The following ATP8A2 variants were observed in gnomAD, a reference collection of about 807,000 sequenced individuals.
ATP8A2 encodes phospholipid-transporting ATPase IB.
Under a neutral mutation model 165.6 loss-of-function variants are expected in ATP8A2, and 100 were observed. That is an observed-to-expected ratio of 0.60 (90% CI 0.51 to 0.71). ATP8A2 has a LOEUF of 0.71. ATP8A2 is among the 30% of genes least tolerant of loss of function. The probability of loss-of-function intolerance (pLI) is 0.00; values close to 1 mark genes in which losing one functional copy is unlikely to be tolerated. For missense variants in ATP8A2, 1,227 were observed against 1,479.5 expected, an observed-to-expected ratio of 0.83 and a Z score of 2.80; for synonymous variants, 543 against 548.8, an observed-to-expected ratio of 0.99 and a Z score of 0.15.
chr13:25,993,273 A>G (rs1956431484), intron 35 of ATP8A2, among the ~76,000 whole-genome samples: 1 of 152,194 alleles, frequency 6.6e-6, no homozygotes, highest in Admixed American at 6.5e-5. Context: ...CACTGCTATG[A>G]CAAACCCACA....
At chr13:25,375,612 C>G (rs537860699) in intron 1 of ATP8A2, among the ~76,000 whole-genome samples, 1 of 151,550 alleles carries the variant, frequency 6.6e-6, no homozygotes, top group South Asian at 2.1e-4. Flanking sequence ...TTGAGCCTGT[C>G]GTCAGGCTGG....
chr13:25,550,580 A>G (rs1159564752), intron 10 of ATP8A2, among the ~76,000 whole-genome samples: 1 of 152,150 alleles, frequency 6.6e-6, no homozygotes, highest in African/African-American at 2.4e-5. Context: ...CACTGGCCTC[A>G]GCTCCACCTG....
intron 27 of ATP8A2, among the ~76,000 whole-genome samples, chr13:25,779,493 G>A (rs1225359489): frequency 6.6e-6 from 1 of 152,088 alleles, no homozygotes; most frequent in Non-Finnish European, 1.5e-5. Flanking sequence ...GATAGAGCAG[G>A]GTAAAGATAT....
chr13:25,967,516 G>A (rs986668325), intron 34 of ATP8A2, among the ~76,000 whole-genome samples: 14 of 152,134 alleles, frequency 9.2e-5, no homozygotes, highest in Non-Finnish European at 1.9e-4. Context: ...CCATGACACC[G>A]TTTTCATTTC....
chr13:25,719,330 G>A (rs1466303044), intron 25 of ATP8A2, among the ~76,000 whole-genome samples: 2 of 152,132 alleles, frequency 1.3e-5, no homozygotes, highest in African/African-American at 4.8e-5. Flanking sequence ...TTTTTCTAAG[G>A]ATGCTACTGT....
At chr13:25,918,149 A>G (rs1954324322) in intron 33 of ATP8A2, among the ~76,000 whole-genome samples, 1 of 152,366 alleles carries the variant, frequency 6.6e-6, no homozygotes, top group East Asian at 1.9e-4. Flanking sequence ...CTGCCAGATA[A>G]GGAGCATTTC....
intron 33 of ATP8A2, among the ~76,000 whole-genome samples, chr13:25,928,873 G>A (rs967855221): frequency 6.6e-6 from 1 of 152,154 alleles, no homozygotes; most frequent in Admixed American, 6.6e-5. Context: ...CCCCCAAATC[G>A]GAAACGTTCT....
chr13:25,391,766 A>G (rs1048950445), intron 1 of ATP8A2, among the ~76,000 whole-genome samples: 2 of 152,246 alleles, frequency 1.3e-5, no homozygotes, highest in Non-Finnish European at 2.9e-5. Flanking sequence ...CCAGGAGGCC[A>G]TACAGAGGCC....
intron 30 of ATP8A2, among the ~76,000 whole-genome samples, chr13:25,851,900 T>C (rs117231161): frequency 1.3e-5 from 2 of 152,286 alleles, no homozygotes; most frequent in East Asian, 3.9e-4. Context: ...TCACCCAGGC[T>C]GGAGTGCAGT....
intron 24 of ATP8A2, among the ~76,000 whole-genome samples, chr13:25,656,356 A>G (rs757185009): frequency 1.9e-4 from 28 of 151,314 alleles, no homozygotes; most frequent in Non-Finnish European, 3.8e-4. Flanking sequence ...GCTCACTGCA[A>G]CCTCCGCCTC....
intron 33 of ATP8A2, among the ~76,000 whole-genome samples, chr13:25,949,563 T>G (rs982109823): frequency 6.6e-6 from 1 of 152,128 alleles, no homozygotes; most frequent in South Asian, 2.1e-4. Flanking sequence ...AAGTACACAA[T>G]ATAAACAATA....
At chr13:25,637,243 G>A (rs2041394236) in intron 24 of ATP8A2, among the ~76,000 whole-genome samples, 1 of 152,084 alleles carries the variant, frequency 6.6e-6, no homozygotes, top group Non-Finnish European at 1.5e-5. Flanking sequence ...TCTCACTGGG[G>A]CTAGTTGGAC....
At chr13:25,969,529 T>C (rs1216883662) in intron 35 of ATP8A2, among the ~76,000 whole-genome samples, 1 of 152,160 alleles carries the variant, frequency 6.6e-6, no homozygotes, top group Admixed American at 6.6e-5. Flanking sequence ...CTTATAGAGG[T>C]CCCCACTTTG....
intron 24 of ATP8A2, among the ~76,000 whole-genome samples, chr13:25,681,157 G>GAA (rs2042479241): frequency 6.6e-6 from 1 of 152,150 alleles, no homozygotes; most frequent in Non-Finnish European, 1.5e-5. Flanking sequence ...AGAAAGCAAA[G>GAA]AAAAATCTGG....
At chr13:25,705,038 T>A (rs1375180979) in intron 25 of ATP8A2, 3 of 265,814 alleles carry the variant, frequency 1.1e-5, no homozygotes, top group African/African-American at 2.3e-5. Flanking sequence ...TAAAGTCTTG[T>A]AGGATTTGTC....
At chr13:25,686,750 G>A (rs1055487205) in intron 24 of ATP8A2, among the ~76,000 whole-genome samples, 1 of 152,150 alleles carries the variant, frequency 6.6e-6, no homozygotes, top group Non-Finnish European at 1.5e-5. Context: ...GTACAAACTG[G>A]TCTACTTCCA....
intron 35 of ATP8A2, among the ~76,000 whole-genome samples, chr13:25,968,954 T>C (rs1566312908): frequency 6.6e-6 from 1 of 152,168 alleles, no homozygotes; most frequent in Non-Finnish European, 1.5e-5. Flanking sequence ...GGCAGTATTA[T>C]CTTAAGGTGG....
At chr13:25,670,469 C>T (rs1417775393) in intron 24 of ATP8A2, among the ~76,000 whole-genome samples, 1 of 152,102 alleles carries the variant, frequency 6.6e-6, no homozygotes, top group African/African-American at 2.4e-5. Context: ...AATTTCCTGG[C>T]ACAATGCCCT....
intron 33 of ATP8A2, among the ~76,000 whole-genome samples, chr13:25,878,481 A>AGCAGCCCCAAGGGCT (rs1219869611): frequency 6.5e-4 from 87 of 133,406 alleles, no homozygotes; most frequent in African/African-American, 1.2e-3. Context: ...CCATAGGCAG[A>AGCAGCCCCAAGGGCT]GCTGGTGGGA....
Sources: gnomAD v4.1 joint callset for allele counts (sites outside exome capture counted in the v4.1 genomes callset) on GRCh38, gnomAD v4.1.1 for gene constraint, MANE v1.5 for transcripts, NCBI Gene and HGNC (gene_info 2026-07-23, HGNC 2026-07-21) for gene names.